Variants in HPS5 observed in about 807,000 individuals in gnomAD.
HPS5 encodes the protein BLOC-2 complex member HPS5.
Under a neutral mutation model 128.0 loss-of-function variants are expected in HPS5, and 83 were observed. The observed-to-expected ratio is 0.65, with a 90% CI of 0.54 to 0.78. The LOEUF is 0.78. HPS5 is among the 30% of genes least tolerant of loss of function. HPS5 has a pLI of 0.00. For synonymous variants in HPS5, 475 were observed against 470.2 expected, an observed-to-expected ratio of 1.01 and a Z score of -0.13; for missense variants, 1,281 against 1,326.2, an observed-to-expected ratio of 0.97 and a Z score of 0.53.
In HPS5 at chr11:18,287,960, T is replaced by C; in HGVS notation, c.2494A>G (p.Thr832Ala). 1.2e-6 allele frequency: 2 copies of C among 1,613,982 alleles called. No individual in the cohort carries two copies. Among genetic ancestry groups the C allele is most frequent in the East Asian group, 2.2e-5 (1 of 44,840 alleles). ...TCGTCATCTAGTAACTTTAACCTTG[T>C]TGGTAGATCTCCTTTTTCCATCTCC... ...YMEMEKGDLP[T>A]RLKLLDDEVP... The change falls in exon 17 of 23, where the codon ACA becomes GCA. Residue 832 changes from threonine (T) to alanine (A), a missense_variant. Coordinates refer to ENST00000349215, the MANE Select transcript of HPS5 (RefSeq NM_181507.2).
rs1329328606 is a variant in HPS5 at position 18,298,804 on chromosome 11, G to A, written c.1152C>T (p.Val384=). Reference sequence around the variant, plus strand: ...AGCTCTGACTCACTCTGCTGGCAATGACAGAATTTTGGAAAAGACAGCATG... The same window carrying A: ...AGCTCTGACTCACTCTGCTGGCAATAACAGAATTTTGGAAAAGACAGCATG... ...ARTCCLFQNS[V]IASRARKTLT... The change falls in exon 10 of 23, where the codon GTC becomes GTT. Residue 384 remains valine (V), a synonymous_variant. Transcript: ENST00000349215. The A allele has an allele frequency of 6.2e-7, 1 of 1,614,126 alleles. No homozygotes were observed. The highest frequency in any genetic ancestry group is 2.2e-5 in the East Asian group (1 of 44,884).
chr11:18,319,043 G>GA (rs1201841406), intron 1 of HPS5, among the ~76,000 whole-genome samples: 80 of 139,832 alleles, frequency 5.7e-4, no homozygotes, highest in Admixed American at 1.3e-3. Flanking sequence ...GAATGTTCAG[G>GA]AAAAAAAAAA....
intron 18 of HPS5, chr11:18,286,938 G>GAGAA (rs1283056732): frequency 3.4e-6 from 2 of 595,122 alleles, no homozygotes; most frequent in African/African-American, 1.9e-5. Flanking sequence ...GAAAGAGAGA[G>GAGAA]AGAAAGAAAG....
At chr11:18,285,777 G>A (rs377254313) in intron 19 of HPS5, among the ~76,000 whole-genome samples, 1 of 152,106 alleles carries the variant, frequency 6.6e-6, no homozygotes, top group Non-Finnish European at 1.5e-5. Context: ...ACAGGCATTT[G>A]GGGGTCTTTT....
chr11:18,317,713 C>T (rs752423431), intron 2 of HPS5, 38 bp downstream of exon 2: 17 of 1,599,380 alleles, frequency 1.1e-5, no homozygotes, highest in Middle Eastern at 1.7e-4. Context: ...ACAGAGAGCA[C>T]GTGAAAATGA....
At chr11:18,301,454 C>CAAAAAAAAAAAAAAAAAA (rs899074500) in intron 8 of HPS5, among the ~76,000 whole-genome samples, 6 of 52,080 alleles carry the variant, frequency 1.2e-4, no homozygotes, top group South Asian at 7.7e-4. Flanking sequence ...GACTCTGTCT[C>CAAAAAAAAAAAAAAAAAA]AAAAAAAAAA....
At position 18,298,843 on chromosome 11, in the gene HPS5, G is replaced by A; in HGVS notation, c.1113C>T (p.Asn371=). 2 of 1,614,186 alleles carry A rather than the reference G, an allele frequency of 1.2e-6. No individual in the cohort carries two copies. Among genetic ancestry groups the A allele is most frequent in the Non-Finnish European group, 1.7e-6 (2 of 1,180,024 alleles). Residue 371 remains asparagine, a synonymous_variant, in exon 10 of 23, where the codon AAC becomes AAT. Transcript: ENST00000349215. ...VERLLRRGLW[N]LAARTCCLFQ... is the part of the protein sequence containing the mutation. ...AAAGACAGCATGTACGAGCAGCCAAGTTCCATAGGCCTCTTCTTAGCAGGC... is the reference window on the plus strand; with the variant it reads ...AAAGACAGCATGTACGAGCAGCCAAATTCCATAGGCCTCTTCTTAGCAGGC...
At position 18,291,667 on chromosome 11, in the gene HPS5, C is replaced by T; in HGVS notation, c.2215G>A (p.Glu739Lys). 1.2e-6 allele frequency: 2 copies of T among 1,614,196 alleles called. No individual in the cohort carries two copies. The highest frequency in any genetic ancestry group is 1.1e-5 in the South Asian group (1 of 91,086). Reference protein sequence around the residue: ...IASGLRNDLAELTTLCLELNV... With the variant: ...IASGLRNDLAKLTTLCLELNV... ...AACTCCAAACATAATGTTGTCAATT[C>T]AGCCAGGTCGTTCCGAAGACCACTT... The change falls in exon 16 of 23, where the codon GAA becomes AAA. Residue 739 changes from glutamate to lysine, a missense_variant. Transcript: ENST00000349215.
rs1859972175 is a variant in HPS5 at position 18,288,123 on chromosome 11, TATTATGTGCAAG to T, written c.2441-122_2441-111del. 31 of 1,162,578 alleles carry T rather than the reference TATTATGTGCAAG, an allele frequency of 2.7e-5. No homozygotes were observed. The East Asian group carries it at 7.0e-4, about 26-fold the overall frequency. The allele number at this position is 1,162,578 out of a possible 1,614,324, so 72.0% of individuals were successfully genotyped here. On this transcript the variant is annotated intron_variant, in intron 16 of 22. Transcript: ENST00000349215. ...TAGTCACGTACCTACTGTGTGGACC[TATTATGTGCAAG>T]GCCCAATATTAAGCATTACAAGAGA...
Position 18,285,412 on chromosome 11 carries a change from T to G in HPS5, c.2885A>C (p.His962Pro), listed in dbSNP as rs144453656. The G allele has an allele frequency of 7.4e-6, 12 of 1,613,498 alleles. No individual in the cohort carries two copies. The highest frequency in any genetic ancestry group is 1.3e-5 in the African/African-American group (1 of 74,922). ...AAAATCTGCAGGAAGTTTAATTAGA[T>G]GAAGGATCAGCTGACTGTAACCCCA... Reference protein sequence around the residue: ...LSWGYSQLILHLIKLPADFIT... With the variant: ...LSWGYSQLILPLIKLPADFIT... The change falls in exon 20 of 23, where the codon CAT becomes CCT. Residue 962 changes from histidine to proline, a missense_variant. His to Pro is a moderately conservative substitution (Grantham distance 77, BLOSUM62 -2). Coordinates refer to ENST00000349215, the MANE Select transcript of HPS5 (RefSeq NM_181507.2).
chr11:18,311,264 A>C, intron 4 of HPS5, 123 bp downstream of exon 4: 1 of 732,040 alleles, frequency 1.4e-6, no homozygotes, highest in Non-Finnish European at 2.4e-6. Flanking sequence ...GAGACACAGG[A>C]GTTTCACTGT....
chr11:18,313,799 A>T (rs1245836632), intron 2 of HPS5, among the ~76,000 whole-genome samples: 1 of 152,022 alleles, frequency 6.6e-6, no homozygotes, highest in Non-Finnish European at 1.5e-5. Context: ...CTGTAATCCC[A>T]GCTACTTGGG....
chr11:18,302,527 T>C (rs1189709831), intron 8 of HPS5, among the ~76,000 whole-genome samples: 1 of 152,182 alleles, frequency 6.6e-6, no homozygotes, highest in Admixed American at 6.5e-5. Context: ...TTAAACTTTT[T>C]GGACAAATAA....
At chr11:18,305,580 C>T (rs1442917272) in intron 7 of HPS5, 87 bp from the exon 8 acceptor site, 1 of 979,130 alleles carries the variant, frequency 1.0e-6, no homozygotes, top group Non-Finnish European at 1.6e-6. Context: ...GAAATTTTTG[C>T]CTCCAAAACA....
Position 18,301,576 on chromosome 11 carries a change from G to A in HPS5, c.897-660C>T, listed in dbSNP as rs80085688. On this transcript the variant is annotated intron_variant, in intron 8 of 22. Coordinates refer to ENST00000349215, the MANE Select transcript of HPS5 (RefSeq NM_181507.2). ...GAACTTTCCATACTGGACATGATAC[G>A]GGCACATTTAAAACAAAGACTAACA... is the stretch of plus-strand genomic sequence containing the variant. Among the ~76,000 whole-genome samples, 383 of 151,744 alleles carry A rather than the reference G, an allele frequency of 2.5e-3. 4 individuals carry two copies. The highest frequency in any genetic ancestry group is 8.7e-3 in the African/African-American group (359 of 41,390).
At chr11:18,298,394 C>T (rs1453918134) in intron 10 of HPS5, among the ~76,000 whole-genome samples, 1 of 152,058 alleles carries the variant, frequency 6.6e-6, no homozygotes, top group Non-Finnish European at 1.5e-5. Flanking sequence ...ACTCAGGAGG[C>T]TGAGACACGC....
chr11:18,299,032 A>G, intron 9 of HPS5, 62 bp from the exon 10 acceptor site: 1 of 1,460,798 alleles, frequency 6.8e-7, no homozygotes, highest in Non-Finnish European at 9.6e-7. Flanking sequence ...CAATTTTAAA[A>G]GGGATGCAAT....
At chr11:18,292,052 G>C (rs748724865) in intron 15 of HPS5, 33 bp from the exon 16 acceptor site, 53 of 1,533,640 alleles carry the variant, frequency 3.5e-5, no homozygotes, top group Non-Finnish European at 4.6e-5. Flanking sequence ...AAATTCATGT[G>C]TCATGTGTTT....
chr11:18,287,957 T>A lies in HPS5; in HGVS notation c.2497A>T (p.Arg833Trp). 6.2e-7 allele frequency: 1 copy of A among 1,613,930 alleles called. No individual in the cohort carries two copies. Among genetic ancestry groups the A allele is most frequent in the Non-Finnish European group, 8.5e-7 (1 of 1,179,870 alleles). Residue 833 changes from arginine to tryptophan, a missense_variant, in exon 17 of 23, where the codon AGG (arginine) becomes TGG (tryptophan). Transcript: ENST00000349215. ...ACCTCGTCATCTAGTAACTTTAACCTTGTTGGTAGATCTCCTTTTTCCATC... is the reference window on the plus strand; with the variant it reads ...ACCTCGTCATCTAGTAACTTTAACCATGTTGGTAGATCTCCTTTTTCCATC... ...MEMEKGDLPTRLKLLDDEVPF... is the reference protein window; with the variant it reads ...MEMEKGDLPTWLKLLDDEVPF...
Sources: allele counts gnomAD v4.1 joint callset (sites outside exome capture counted in the v4.1 genomes callset), GRCh38; gene constraint gnomAD v4.1.1; transcripts MANE v1.5; gene names NCBI Gene and HGNC (gene_info 2026-07-23, HGNC 2026-07-21).